Variants in CDK6 observed in about 807,000 individuals in gnomAD.
The protein encoded by CDK6 is cyclin dependent kinase 6, also known as cyclin-dependent kinase 6.
A neutral mutation model predicts 37.1 loss-of-function variants in CDK6; 6 were observed. The ratio of observed to expected loss-of-function variants is 0.16; its 90% CI spans 0.09 to 0.32. The LOEUF is 0.32. CDK6 is among the 10% of genes least tolerant of loss of function. The pLI, the probability that CDK6 is intolerant of heterozygous loss-of-function variation, is 1.00. For missense variants in CDK6, 224 were observed against 418.9 expected, an observed-to-expected ratio of 0.53 and a Z score of 4.06; for synonymous variants, 160 against 161.3, an observed-to-expected ratio of 0.99 and a Z score of 0.06.
chr7:92,608,210 C>T lies in CDK6; in HGVS notation c.*6930G>A, dbSNP rs1397473218. ...GGCAGTCAATATGTAGTTATATGCC[C>T]CCTTTGAGAAAAACCTACATTTGAC... is the stretch of plus-strand genomic sequence containing the variant. On this transcript the variant is annotated 3_prime_UTR_variant, in exon 8 of 8. Coordinates refer to ENST00000424848, the MANE Select transcript of CDK6 (RefSeq NM_001145306.2). 2 of 232,030 alleles carry T rather than the reference C, an allele frequency of 8.6e-6. No homozygotes were observed. The highest frequency in any genetic ancestry group is 4.4e-5 in the African/African-American group (2 of 45,222). 14.4% of individuals were successfully genotyped at this position (232,030 alleles called of 1,614,324 possible).
At chr7:92,819,705 T>C (rs1443977843) in intron 2 of CDK6, among the ~76,000 whole-genome samples, 1 of 151,712 alleles carries the variant, frequency 6.6e-6, no homozygotes, top group Non-Finnish European at 1.5e-5. Context: ...TTCAAAGAAA[T>C]ATTACAGAAA....
chr7:92,810,039 A>G (rs1243456190), intron 2 of CDK6, among the ~76,000 whole-genome samples: 1 of 152,174 alleles, frequency 6.6e-6, no homozygotes, highest in Non-Finnish European at 1.5e-5. Context: ...AGCAGCATGA[A>G]CCCTAACAAA....
chr7:92,780,146 T>C (rs1471290618), intron 2 of CDK6, among the ~76,000 whole-genome samples: 1 of 152,096 alleles, frequency 6.6e-6, no homozygotes, highest in Non-Finnish European at 1.5e-5. Flanking sequence ...CTAATTTTTG[T>C]ATTTTTAGTA....
chr7:92,652,545 A>G (rs1796600066), intron 5 of CDK6, among the ~76,000 whole-genome samples: 1 of 152,168 alleles, frequency 6.6e-6, no homozygotes, highest in Non-Finnish European at 1.5e-5. Flanking sequence ...GAAGCTTTTC[A>G]GGGGGGAATT....
At chr7:92,625,158 G>C (rs1168991700) in intron 5 of CDK6, among the ~76,000 whole-genome samples, 4 of 150,580 alleles carry the variant, frequency 2.7e-5, no homozygotes, top group Non-Finnish European at 5.9e-5. Flanking sequence ...GTGAGATTAT[G>C]AATATATCTC....
At chr7:92,773,741 A>T (rs1799777020) in intron 3 of CDK6, among the ~76,000 whole-genome samples, 1 of 152,218 alleles carries the variant, frequency 6.6e-6, no homozygotes, top group Non-Finnish European at 1.5e-5. Flanking sequence ...ATCATTCAGT[A>T]TGTCAAATTC....
chr7:92,766,147 A>G (rs1799574450), intron 3 of CDK6, among the ~76,000 whole-genome samples: 1 of 152,182 alleles, frequency 6.6e-6, no homozygotes, highest in African/African-American at 2.4e-5. Context: ...TAGGGAAGTT[A>G]GATAATTTTA....
intron 5 of CDK6, among the ~76,000 whole-genome samples, chr7:92,634,476 T>A (rs1020141354): frequency 4.0e-5 from 3 of 75,926 alleles, no homozygotes; most frequent in Non-Finnish European, 1.1e-4. Context: ...TCTTCATAAC[T>A]TTTTTTTTTT....
At chr7:92,707,238 T>C (rs1008653565) in intron 4 of CDK6, among the ~76,000 whole-genome samples, 3 of 152,186 alleles carry the variant, frequency 2.0e-5, no homozygotes, top group African/African-American at 4.8e-5. Context: ...CCTATTAAGA[T>C]AGGTACTGTC....
At chr7:92,661,644 TTCTC>T (rs1178080224) in intron 5 of CDK6, among the ~76,000 whole-genome samples, 1 of 152,208 alleles carries the variant, frequency 6.6e-6, no homozygotes, top group Non-Finnish European at 1.5e-5. Context: ...GTTTTCATCT[TTCTC>T]ATCTTCACAT....
chr7:92,609,405 A>T lies in CDK6; in HGVS notation c.*5735T>A, dbSNP rs1037918268. The T allele has an allele frequency of 3.0e-5, 7 of 230,242 alleles. No homozygotes were observed. Among genetic ancestry groups the T allele is most frequent in the African/African-American group, 1.6e-4 (7 of 45,118 alleles). The allele number at this position is 230,242 out of a possible 1,614,324, so 14.3% of individuals were successfully genotyped here. On this transcript the variant is annotated 3_prime_UTR_variant, in exon 8 of 8. Transcript: ENST00000424848. ...AAGTTAAGTATGTAGACACACTCCT[A>T]AGTTGTTATGCTCATATACTTCAGA... is the stretch of plus-strand genomic sequence containing the variant.
At chr7:92,690,518 G>A (rs1333887075) in intron 4 of CDK6, among the ~76,000 whole-genome samples, 2 of 152,182 alleles carry the variant, frequency 1.3e-5, no homozygotes, top group Admixed American at 1.3e-4. Flanking sequence ...TTTGGTTACC[G>A]TAGCCCTGTA....
intron 2 of CDK6, among the ~76,000 whole-genome samples, chr7:92,809,976 T>C (rs934322877): frequency 2.0e-5 from 3 of 152,188 alleles, no homozygotes; most frequent in African/African-American, 7.2e-5. Flanking sequence ...CTTCCATCCT[T>C]TTCTCAGTAA....
intron 2 of CDK6, among the ~76,000 whole-genome samples, chr7:92,795,305 T>G (rs574969383): frequency 1.3e-5 from 2 of 152,272 alleles, no homozygotes; most frequent in Non-Finnish European, 2.9e-5. Flanking sequence ...CAAGGAATGT[T>G]TGGCTCATGA....
chr7:92,609,661 A>G lies in CDK6; in HGVS notation c.*5479T>C, dbSNP rs1795518572. ...AGGCCACCATGCTAGGGAATTTGAA[A>G]GCAGCAGAGAGGGTATGTGTGTTTT... On this transcript the variant is annotated 3_prime_UTR_variant, in exon 8 of 8. Transcript: ENST00000424848. 1 of 231,420 alleles carries G rather than the reference A, an allele frequency of 4.3e-6. No homozygotes were observed. The highest frequency in any genetic ancestry group is 5.6e-5 in the Admixed American group (1 of 17,732). 14.3% of individuals were successfully genotyped at this position (231,420 alleles called of 1,614,324 possible).
chr7:92,754,524 T>C (rs1279368688), intron 3 of CDK6, among the ~76,000 whole-genome samples: 2 of 152,202 alleles, frequency 1.3e-5, no homozygotes, highest in East Asian at 1.9e-4. Context: ...ACAAACATAA[T>C]TTCACACAGG....
At position 92,613,028 on chromosome 7, in the gene CDK6, T is replaced by G; in HGVS notation, c.*2112A>C. The G allele has an allele frequency of 4.3e-6, 1 of 233,170 alleles. No individual in the cohort carries two copies. The highest frequency in any genetic ancestry group is 6.1e-5 in the East Asian group (1 of 16,528). 14.4% of individuals were successfully genotyped at this position (233,170 alleles called of 1,614,324 possible). On this transcript the variant is annotated 3_prime_UTR_variant, in exon 8 of 8. Coordinates refer to ENST00000424848, the MANE Select transcript of CDK6 (RefSeq NM_001145306.2). ...ATTATATCTCAAGCATTTATAGTAC[T>G]GACAACACCTAATCAATGTTGTCAC...
chr7:92,729,366 G>A (rs982273562), intron 3 of CDK6, among the ~76,000 whole-genome samples: 1 of 152,134 alleles, frequency 6.6e-6, no homozygotes, highest in Non-Finnish European at 1.5e-5. Context: ...GTTAAACGCA[G>A]GTTTAAAAGT....
At chr7:92,661,983 G>C (rs2116582266) in intron 5 of CDK6, among the ~76,000 whole-genome samples, 1 of 152,264 alleles carries the variant, frequency 6.6e-6, no homozygotes, top group East Asian at 1.9e-4. Context: ...CAAGAAGTCT[G>C]GGCATGAAGG....
Sources: allele counts gnomAD v4.1 joint callset (sites outside exome capture counted in the v4.1 genomes callset), GRCh38; gene constraint gnomAD v4.1.1; transcripts MANE v1.5; gene names NCBI Gene and HGNC (gene_info 2026-07-23, HGNC 2026-07-21).